Variants in TMEM236 observed in about 807,000 individuals in gnomAD.
TMEM236 encodes the protein transmembrane protein 236.
A neutral mutation model predicts 14.7 loss-of-function variants in TMEM236; 11 were observed. That is an observed-to-expected ratio of 0.75 (90% confidence interval 0.47 to 1.24). The LOEUF (loss-of-function observed/expected upper bound fraction) is 1.24, where lower values mean the gene tolerates loss of function less well. TMEM236 is among the 50% of genes most tolerant of loss of function. TMEM236 has a pLI of 0.00. For missense variants in TMEM236, 464 were observed against 427.3 expected (o/e 1.09, Z -0.76); for synonymous variants, 182 against 168.6 (o/e 1.08, Z -0.62).
intron 1 of TMEM236, among the ~76,000 whole-genome samples, chr10:17,760,984 G>C (rs975880461): frequency 1.1e-4 from 17 of 152,238 alleles, no homozygotes; most frequent in Non-Finnish European, 2.5e-4. Context: ...TGAGATTTGG[G>C]TAGAGACCCA....
intron 1 of TMEM236, among the ~76,000 whole-genome samples, chr10:17,762,622 C>CACATACAT (rs1837390268): frequency 2.7e-5 from 2 of 73,752 alleles, no homozygotes; most frequent in Non-Finnish European, 5.2e-5. Flanking sequence ...TATATATACA[C>CACATACAT]ACATACATAT....
intron 3 of TMEM236, among the ~76,000 whole-genome samples, chr10:17,793,775 G>A (rs1008297589): frequency 1.3e-5 from 2 of 152,152 alleles, no homozygotes; most frequent in Admixed American, 6.5e-5. Context: ...GAGCCATCAC[G>A]CCTGGCTCTA....
chr10:17,796,809 T>G lies in TMEM236; in HGVS notation c.*305T>G. 1 of 379,368 alleles carries G rather than the reference T, an allele frequency of 2.6e-6. No individual in the cohort carries two copies. Among genetic ancestry groups the G allele is most frequent in the South Asian group, 2.4e-5 (1 of 41,666 alleles). 23.5% of individuals were successfully genotyped at this position (379,368 alleles called of 1,614,324 possible). Reference sequence around the variant, plus strand: ...CCCTGGACCATGGTCCCAGTACTGGTCCGTGATCTGTTAGCAAGCAGACCG... The same window carrying G: ...CCCTGGACCATGGTCCCAGTACTGGGCCGTGATCTGTTAGCAAGCAGACCG... On this transcript the variant is annotated 3_prime_UTR_variant, in exon 4 of 4. Coordinates refer to ENST00000377495, the MANE Select transcript of TMEM236 (RefSeq NM_001098844.3).
chr10:17,754,145 A>C (rs1422304091), intron 1 of TMEM236, among the ~76,000 whole-genome samples: 4 of 152,236 alleles, frequency 2.6e-5, no homozygotes, highest in Non-Finnish European at 5.9e-5. Flanking sequence ...ACATAAACTT[A>C]TCGGAGTGAG....
chr10:17,798,638 C>T lies in TMEM236; in HGVS notation c.*2134C>T, dbSNP rs1838052170. The T allele has an allele frequency of 1.9e-6, 1 of 527,356 alleles. No homozygotes were observed. The highest frequency in any genetic ancestry group is 1.9e-5 in the African/African-American group (1 of 51,366). The allele number at this position is 527,356 out of a possible 1,614,324, so 32.7% of individuals were successfully genotyped here. The stretch of plus-strand genomic sequence containing the variant: ...CCTTTCCCTCTGTTTTAGGATTTTT[C>T]TCACACTGTAAAAGAAGATTTACTC... On this transcript the variant is annotated 3_prime_UTR_variant, in exon 4 of 4. Transcript: ENST00000377495.
Position 17,796,549 on chromosome 10 carries a change from C to T in TMEM236, c.*45C>T, listed in dbSNP as rs1253108920. 4.0e-6 allele frequency: 6 copies of T among 1,483,490 alleles called. No individual in the cohort carries two copies. The Admixed American group carries it at 5.0e-5, about 12-fold the overall frequency. 91.9% of individuals were successfully genotyped at this position (1,483,490 alleles called of 1,614,324 possible). A position where few individuals can be genotyped will look rare whatever the true frequency, so the allele number is the denominator to read the frequency against. On this transcript the variant is annotated 3_prime_UTR_variant, in exon 4 of 4. Transcript: ENST00000377495. ...AAGGCCTCTTTGTGATACCTGTGTG[C>T]ACATTTGTAATCCTTCTTTTTTTCT...
intron 3 of TMEM236, among the ~76,000 whole-genome samples, chr10:17,789,128 C>G (rs1837881942): frequency 6.6e-6 from 1 of 152,136 alleles, no homozygotes; most frequent in Non-Finnish European, 1.5e-5. Context: ...ACACAAGAGA[C>G]TCTTGTTAGC....
rs568528187 is a variant in TMEM236 at position 17,796,967 on chromosome 10, G to A, written c.*463G>A. On this transcript the variant is annotated 3_prime_UTR_variant, in exon 4 of 4. Transcript: ENST00000377495. ...TGCGTATGCAAGGGATCTAGCTTTC[G>A]CTCTTTAAGAAAATCTAATACCTGA... is the stretch of plus-strand genomic sequence containing the variant. 9.6e-4 allele frequency: 165 copies of A among 171,126 alleles called. 1 individual carries two copies. Among genetic ancestry groups the A allele is most frequent in the East Asian group, 3.8e-3 (22 of 5,836 alleles). The allele number at this position is 171,126 out of a possible 1,614,324, so 10.6% of individuals were successfully genotyped here. A position where few individuals can be genotyped will look rare whatever the true frequency, so the allele number is the denominator to read the frequency against.
At chr10:17,774,251 G>T (rs999512951) in intron 2 of TMEM236, among the ~76,000 whole-genome samples, 1 of 152,118 alleles carries the variant, frequency 6.6e-6, no homozygotes, top group East Asian at 1.9e-4. Flanking sequence ...CAACATGTTG[G>T]CCAGGCTGGT....
chr10:17,771,918 C>G (rs556525923), intron 2 of TMEM236, among the ~76,000 whole-genome samples: 1 of 152,146 alleles, frequency 6.6e-6, no homozygotes, highest in Admixed American at 6.5e-5. Flanking sequence ...CTTGTAAGTA[C>G]TTCATTATCC....
chr10:17,774,028 T>TTTTTG (rs1837617995), intron 2 of TMEM236, among the ~76,000 whole-genome samples: 1 of 78,854 alleles, frequency 1.3e-5, no homozygotes, highest in Non-Finnish European at 2.5e-5. Context: ...TATATATATA[T>TTTTTG]TTTTGTTTGT....
At chr10:17,786,026 C>T (rs1233740454) in intron 3 of TMEM236, among the ~76,000 whole-genome samples, 1 of 152,062 alleles carries the variant, frequency 6.6e-6, no homozygotes, top group Non-Finnish European at 1.5e-5. Context: ...GTGAAAGCTC[C>T]CTTTGATCTT....
intron 1 of TMEM236, among the ~76,000 whole-genome samples, chr10:17,754,744 T>C (rs1426523600): frequency 6.6e-6 from 1 of 152,220 alleles, no homozygotes; most frequent in Non-Finnish European, 1.5e-5. Context: ...GATTTAATGT[T>C]AATTTAACTA....
In TMEM236 at chr10:17,770,675, GC is replaced by G. The variant is rs1430491136; in HGVS notation, c.258-631del. ...TGGGATTACAGGCGTGAGCCACCGT[GC>G]CCGGCCACATTTAAATTTTCTGTGT... On this transcript the variant is annotated intron_variant, in intron 1 of 3. Coordinates refer to ENST00000377495, the MANE Select transcript of TMEM236 (RefSeq NM_001098844.3). 3.9e-5 allele frequency among the ~76,000 whole-genome samples: 6 copies of G among 152,182 alleles called. No individual in the cohort carries two copies. In the East Asian group the frequency reaches 7.7e-4, roughly 20 times the overall value.
At chr10:17,783,590 T>G (rs991658687) in intron 3 of TMEM236, among the ~76,000 whole-genome samples, 44 of 152,342 alleles carry the variant, frequency 2.9e-4, no homozygotes, top group African/African-American at 8.7e-4. Context: ...CATAGATGGC[T>G]ATTTCCTTAG....
intron 3 of TMEM236, among the ~76,000 whole-genome samples, chr10:17,787,812 A>C (rs1025530811): frequency 0.12 from 18,625 of 152,136 alleles, 1,507 homozygotes; most frequent in Non-Finnish European, 0.18. Context: ...GTTCTTAAGA[A>C]TGCAATGACT....
intron 1 of TMEM236, among the ~76,000 whole-genome samples, chr10:17,760,649 A>C (rs1431740877): frequency 6.6e-6 from 1 of 152,166 alleles, no homozygotes; most frequent in Non-Finnish European, 1.5e-5. Flanking sequence ...TATCCAGTGT[A>C]TTAGTCTGTT....
chr10:17,777,708 T>G (rs1589147915), intron 3 of TMEM236, among the ~76,000 whole-genome samples: 1 of 152,342 alleles, frequency 6.6e-6, no homozygotes, highest in South Asian at 2.1e-4. Flanking sequence ...GGGAATAAGT[T>G]AATAACATTT....
intron 1 of TMEM236, among the ~76,000 whole-genome samples, chr10:17,767,971 G>A (rs934150558): frequency 8.0e-5 from 12 of 150,308 alleles, no homozygotes; most frequent in African/African-American, 1.5e-4. Context: ...GTGCAGTGGC[G>A]TGATCTTGGC....
Sources: gnomAD v4.1 joint callset for allele counts (sites outside exome capture counted in the v4.1 genomes callset) on GRCh38, gnomAD v4.1.1 for gene constraint, MANE v1.5 for transcripts, NCBI Gene and HGNC (gene_info 2026-07-23, HGNC 2026-07-21) for gene names.